The following FHIP2B variants were observed in gnomAD, a reference collection of about 807,000 sequenced individuals.
FHIP2B encodes FHF complex subunit HOOK interacting protein 2B, also known as FHF complex subunit HOOK-interacting protein 2B.
Under a neutral mutation model 84.0 loss-of-function variants are expected in FHIP2B, and 72 were observed. The ratio of observed to expected loss-of-function variants is 0.86; its 90% CI spans 0.71 to 1.04. FHIP2B has a LOEUF of 1.04. Ranked by LOEUF, FHIP2B falls within the 50% of genes least tolerant of loss-of-function variation. The pLI is 0.00. For missense variants in FHIP2B, 972 were observed against 968.9 expected (o/e 1.00, Z -0.04); for synonymous variants, 497 against 418.7 (o/e 1.19, Z -2.28).
chr8:22,101,408 G>T (rs1470878868), intron 12 of FHIP2B, 32 bp from the exon 13 acceptor site: 1 of 1,550,090 alleles, frequency 6.5e-7, no homozygotes, highest in Admixed American at 1.8e-5. Flanking sequence ...GGGTGAGCCG[G>T]GAGCGCCTCC....
intron 1 of FHIP2B, chr8:22,089,943 C>T: frequency 5.5e-6 from 5 of 903,250 alleles, no homozygotes; most frequent in South Asian, 3.1e-5. Context: ...TGTGACCCCT[C>T]ACAAGCCAAA....
chr8:22,096,083 C>T, intron 2 of FHIP2B: 1 of 411,302 alleles, frequency 2.4e-6, no homozygotes, highest in Non-Finnish European at 4.4e-6. Flanking sequence ...GAAACCGATG[C>T]TGCTGCCCCC....
Position 22,089,163 on chromosome 8 carries a change from C to A in FHIP2B, c.-91C>A. On this transcript the variant is annotated 5_prime_UTR_variant, in exon 1 of 17. Transcript: ENST00000289921. ...CGGCCGGGCCCCGCCCCCCTCGTCG[C>A]GCCGGGGCCGCCGGGGCCACGGGGC... is the stretch of plus-strand genomic sequence containing the variant. 1.2e-6 allele frequency: 1 copy of A among 844,768 alleles called. No individual in the cohort carries two copies. Among genetic ancestry groups the A allele is most frequent in the South Asian group, 5.4e-5 (1 of 18,476 alleles). The allele number at this position is 844,768 out of a possible 1,614,324, so 52.3% of individuals were successfully genotyped here.
chr8:22,099,838 AC>A lies in FHIP2B; in HGVS notation c.1291del (p.His431ThrfsTer66), dbSNP rs753212868. The A allele has an allele frequency of 5.0e-6, 8 of 1,612,398 alleles. No individual in the cohort carries two copies. The highest frequency in any genetic ancestry group is 6.8e-6 in the Non-Finnish European group (8 of 1,179,424). On this transcript the variant is annotated frameshift_variant, in exon 10 of 17. Transcript: ENST00000289921. LOFTEE classifies it high-confidence loss of function. ...CGGCAGCCTGAAGCCCCCGGGGACA[AC>A]CCCCACACCCTGTATGCTCATCTCA... ...TDRQPEAPGD[N>X]PHTLYAHLIG...
rs780038902 is a variant in FHIP2B at position 22,098,557 on chromosome 8, C to T, written c.903C>T (p.Tyr301=). The part of the protein sequence containing the change: ...PAIVRHLCQL[Y]RSMPVFLDPA... ...TCGTCCGGCACCTTTGCCAGTTGTACCGGTCCATGCCTGTCTTCCTGGACC... is the reference window on the plus strand; with the variant it reads ...TCGTCCGGCACCTTTGCCAGTTGTATCGGTCCATGCCTGTCTTCCTGGACC... The change falls in exon 7 of 17, where the codon TAC becomes TAT. Residue 301 remains tyrosine, a synonymous_variant. Transcript: ENST00000289921. 5.6e-6 allele frequency: 9 copies of T among 1,610,452 alleles called. No homozygotes were observed. The highest frequency in any genetic ancestry group is 7.6e-6 in the Non-Finnish European group (9 of 1,178,596).
intron 5 of FHIP2B, 58 bp downstream of exon 5, chr8:22,097,897 C>G (rs1401349331): frequency 3.1e-6 from 5 of 1,592,030 alleles, no homozygotes; most frequent in South Asian, 2.2e-5. Flanking sequence ...GGCAAGCCCC[C>G]TCTGCCCTCC....
chr8:22,091,285 ACT>A (rs1825480205), intron 1 of FHIP2B, among the ~76,000 whole-genome samples: 1 of 129,440 alleles, frequency 7.7e-6, no homozygotes, highest in Non-Finnish European at 1.6e-5. Flanking sequence ...GGAGTCTTCC[ACT>A]GTCACCCAGG....
chr8:22,097,864 A>C, intron 5 of FHIP2B, 25 bp downstream of exon 5: 1 of 1,608,632 alleles, frequency 6.2e-7, no homozygotes, highest in East Asian at 2.2e-5. Context: ...CGGGAACAGG[A>C]GGGGGAGGGC....
At chr8:22,093,463 A>G (rs1380092328) in intron 1 of FHIP2B, among the ~76,000 whole-genome samples, 4 of 152,202 alleles carry the variant, frequency 2.6e-5, no homozygotes, top group African/African-American at 9.6e-5. Flanking sequence ...GAGCAGAACC[A>G]GAATTTTCCA....
intron 1 of FHIP2B, chr8:22,089,655 G>A (rs1410730284): frequency 7.5e-6 from 5 of 669,344 alleles, no homozygotes; most frequent in Non-Finnish European, 1.1e-5. Flanking sequence ...GCCCTAGGCC[G>A]CCTCCCCCCA....
intron 15 of FHIP2B, 96 bp downstream of exon 15, chr8:22,102,411 G>GGGGGGGGGGGGGGGC: frequency 5.1e-6 from 3 of 586,976 alleles, no homozygotes; most frequent in Non-Finnish European, 9.3e-6. Context: ...GGAGGGGTGG[G>GGGGGGGGGGGGGGGC]CACCCTTGCC....
chr8:22,089,500 C>T (rs1270542944), intron 1 of FHIP2B, among the ~76,000 whole-genome samples: 1 of 151,776 alleles, frequency 6.6e-6, no homozygotes, highest in African/African-American at 2.4e-5. Context: ...CGCTCCCAGA[C>T]TCCTCCCGAC....
At chr8:22,092,645 A>G (rs1825555698) in intron 1 of FHIP2B, among the ~76,000 whole-genome samples, 1 of 151,798 alleles carries the variant, frequency 6.6e-6, no homozygotes, top group African/African-American at 2.4e-5. Flanking sequence ...CCTGCAAAAA[A>G]TGACTGAGAC....
In FHIP2B at chr8:22,089,315, C is replaced by T. The variant is rs1193697208; in HGVS notation, c.45+17C>T. 5.6e-5 allele frequency: 56 copies of T among 1,008,828 alleles called. 1 individual carries two copies. The highest frequency in any genetic ancestry group is 6.0e-5 in the Admixed American group (1 of 16,664). The allele number at this position is 1,008,828 out of a possible 1,614,324, so 62.5% of individuals were successfully genotyped here. Reference sequence around the variant, plus strand: ...GTGGGGGCGGTGAGGCCGGCAGGGCCGGGCCGGGCCGCCGGGAGTCGCGGG... The same window carrying T: ...GTGGGGGCGGTGAGGCCGGCAGGGCTGGGCCGGGCCGCCGGGAGTCGCGGG... On this transcript the variant is annotated intron_variant, in intron 1 of 16. Transcript: ENST00000289921.
At chr8:22,098,378 G>T (rs1825910683) in intron 6 of FHIP2B, 45 bp from the exon 7 acceptor site, 2 of 1,548,650 alleles carry the variant, frequency 1.3e-6, no homozygotes, top group Non-Finnish European at 1.7e-6. Flanking sequence ...GGGGTGATTT[G>T]GGGGCTCACA....
intron 14 of FHIP2B, 80 bp from the exon 15 acceptor site, chr8:22,102,095 G>A (rs1826151675): frequency 6.2e-7 from 1 of 1,608,196 alleles, no homozygotes; most frequent in Non-Finnish European, 8.5e-7. Flanking sequence ...CGTTCACAGT[G>A]GCCAGGCACC....
chr8:22,101,609 C>CATCT, intron 13 of FHIP2B, 79 bp downstream of exon 13: 1 of 1,558,736 alleles, frequency 6.4e-7, no homozygotes, highest in Non-Finnish European at 8.7e-7. Flanking sequence ...CCGCCTCTCT[C>CATCT]ATCTGCCCAA....
In FHIP2B at chr8:22,100,902, C is replaced by T. The variant is rs774934090; in HGVS notation, c.1546C>T (p.Pro516Ser). 3.1e-6 allele frequency: 5 copies of T among 1,613,816 alleles called. No individual in the cohort carries two copies. The Admixed American group carries it at 6.7e-5, about 22-fold the overall frequency. The change falls in exon 12 of 17, where the codon CCC (proline) becomes TCC (serine). Residue 516 changes from proline to serine, a missense_variant. Physicochemically the swap from Pro to Ser is moderately conservative, Grantham distance 74. Coordinates refer to ENST00000289921, the MANE Select transcript of FHIP2B (RefSeq NM_022749.7). The stretch of plus-strand genomic sequence containing the variant: ...CTTCCTGGATTCCGGCTTTCAAACT[C>T]CCGCAAAGCCTCGCCTAGCTCCTGC... ...DSFLDSGFQT[P>S]AKPRLAPATS...
In FHIP2B at chr8:22,102,215, G is replaced by T; in HGVS notation, c.1892G>T (p.Arg631Leu). 1 of 1,613,458 alleles carries T rather than the reference G, an allele frequency of 6.2e-7. No homozygotes were observed. Among genetic ancestry groups the T allele is most frequent in the South Asian group, 1.1e-5 (1 of 91,084 alleles). ...CTGCAGGTGACCTCGGTCCTGTCCC[G>T]GCTTGCCCTCTTCCCCCACCCCCAT... is the stretch of plus-strand genomic sequence containing the variant. The part of the protein sequence containing the change: ...LNLQVTSVLS[R>L]LALFPHPHIH... The change falls in exon 15 of 17, where the codon CGG (arginine) becomes CTG (leucine). Residue 631 changes from arginine to leucine, a missense_variant. Physicochemically the swap from Arg to Leu is moderately radical, Grantham distance 102. Coordinates refer to ENST00000289921, the MANE Select transcript of FHIP2B (RefSeq NM_022749.7).
Sources: allele counts gnomAD v4.1 joint callset (sites outside exome capture counted in the v4.1 genomes callset), GRCh38; gene constraint gnomAD v4.1.1; transcripts MANE v1.5; gene names NCBI Gene and HGNC (gene_info 2026-07-23, HGNC 2026-07-21).